Variants in CEP112 observed in about 807,000 individuals in gnomAD.
CEP112 encodes centrosomal protein of 112 kDa.
Under a neutral mutation model 153.0 loss-of-function variants are expected in CEP112, and 127 were observed. The observed-to-expected ratio is 0.83, with a 90% CI of 0.72 to 0.96. CEP112 has a LOEUF of 0.96. CEP112 is among the 40% of genes least tolerant of loss of function. The pLI is 0.00. For missense variants in CEP112, 1,089 were observed against 1,101.2 expected (o/e 0.99, Z 0.16); for synonymous variants, 358 against 374.4 (o/e 0.96, Z 0.51).
chr17:65,636,761 G>T (rs931662134), intron 26 of CEP112: 7 of 198,198 alleles, frequency 3.5e-5, no homozygotes, highest in Non-Finnish European at 5.1e-5. Flanking sequence ...ATAGGCGTGT[G>T]CCACCATACC....
intron 8 of CEP112, among the ~76,000 whole-genome samples, chr17:66,075,254 A>G (rs1358906081): frequency 6.6e-6 from 1 of 152,180 alleles, no homozygotes; most frequent in Non-Finnish European, 1.5e-5. Flanking sequence ...CAATAGCACA[A>G]GTGATTGTAG....
At position 66,097,003 on chromosome 17, in the gene CEP112, A is replaced by T. The variant is rs2068374229; in HGVS notation, c.643-371T>A. Among the ~76,000 whole-genome samples the T allele has an allele frequency of 2.6e-5, 4 of 151,990 alleles. No homozygotes were observed. The South Asian group carries it at 8.3e-4, about 32-fold the overall frequency. On this transcript the variant is annotated intron_variant, in intron 6 of 26. Transcript: ENST00000535342. ...TGAATTTCTCTGCCCAGCCCTCCAA[A>T]CCCTGTAAGCACACACCTATTTGTT...
At position 65,862,901 on chromosome 17, in the gene CEP112, CTT is replaced by C. The variant is rs35679223; in HGVS notation, c.2164-10869_2164-10868del. On this transcript the variant is annotated intron_variant, in intron 20 of 26. Coordinates refer to ENST00000535342, the MANE Select transcript of CEP112 (RefSeq NM_001199165.4). The stretch of plus-strand genomic sequence containing the variant: ...TTTTGTGAATATTTCATAGGAGACA[CTT>C]AATTCTAATTATGTTTTTGAATATT... 3.4e-3 allele frequency among the ~76,000 whole-genome samples: 524 copies of C among 152,146 alleles called. 1 individual carries two copies. Among genetic ancestry groups the C allele is most frequent in the Middle Eastern group, 6.8e-3 (2 of 294 alleles).
intron 17 of CEP112, among the ~76,000 whole-genome samples, chr17:65,971,319 T>A (rs534201093): frequency 6.6e-5 from 10 of 152,344 alleles, no homozygotes; most frequent in Non-Finnish European, 1.0e-4. Flanking sequence ...GTTTTACAAG[T>A]CTTAAAAATA....
chr17:65,894,537 T>A (rs1389472502), intron 20 of CEP112, among the ~76,000 whole-genome samples: 1 of 152,072 alleles, frequency 6.6e-6, no homozygotes, highest in Non-Finnish European at 1.5e-5. Flanking sequence ...CTCTGAGAGT[T>A]AAAATTTCAT....
At chr17:66,088,497 A>T (rs2068022560) in intron 8 of CEP112, among the ~76,000 whole-genome samples, 2 of 151,668 alleles carry the variant, frequency 1.3e-5, no homozygotes, top group Admixed American at 1.3e-4. Flanking sequence ...ATGTGAATAT[A>T]GGCTCCAGAC....
chr17:65,832,240 T>C (rs1416320187), intron 21 of CEP112, among the ~76,000 whole-genome samples: 1 of 151,546 alleles, frequency 6.6e-6, no homozygotes, highest in Non-Finnish European at 1.5e-5. Context: ...CATCAAAAAG[T>C]TGGAAAAATC....
intron 1 of CEP112, among the ~76,000 whole-genome samples, chr17:66,185,512 C>T (rs117330149): frequency 0.034 from 5,194 of 152,234 alleles, 132 homozygotes; most frequent in Middle Eastern, 0.061. Context: ...TGAGCCACTG[C>T]GCCCCGCCAA....
chr17:65,679,171 T>TTTTTTC (rs1567852451), intron 24 of CEP112, among the ~76,000 whole-genome samples: 1 of 105,268 alleles, frequency 9.5e-6, no homozygotes, highest in African/African-American at 4.1e-5. Flanking sequence ...TTTTTTTTTT[T>TTTTTTC]CAGAAAACAG....
chr17:65,858,052 C>A (rs995537122), intron 20 of CEP112, among the ~76,000 whole-genome samples: 2 of 152,158 alleles, frequency 1.3e-5, no homozygotes, highest in Non-Finnish European at 2.9e-5. Flanking sequence ...TATGTCCTTG[C>A]ATTCTCTACA....
intron 18 of CEP112, among the ~76,000 whole-genome samples, chr17:65,955,638 C>A (rs769544547): frequency 2.6e-5 from 4 of 152,002 alleles, no homozygotes; most frequent in Admixed American, 6.6e-5. Context: ...CATAAACTTA[C>A]AGTAAAGGGG....
At chr17:65,929,473 C>T (rs1213257786) in intron 18 of CEP112, among the ~76,000 whole-genome samples, 1 of 152,180 alleles carries the variant, frequency 6.6e-6, no homozygotes, top group African/African-American at 2.4e-5. Flanking sequence ...TTTAGCATCA[C>T]CTTTGTACTG....
intron 17 of CEP112, among the ~76,000 whole-genome samples, chr17:65,997,008 C>CG (rs2063816322): frequency 6.6e-6 from 1 of 152,014 alleles, no homozygotes; most frequent in African/African-American, 2.4e-5. Flanking sequence ...CAGGAGTTCA[C>CG]GACCAGTCTG....
chr17:66,168,435 A>ATATATGTGTGTG (rs2072081195), intron 4 of CEP112, among the ~76,000 whole-genome samples: 1 of 147,334 alleles, frequency 6.8e-6, no homozygotes, highest in Non-Finnish European at 1.5e-5. Flanking sequence ...ATATATATGT[A>ATATATGTGTGTG]TATATATGTG....
chr17:65,960,879 C>A (rs2062173562), intron 18 of CEP112, among the ~76,000 whole-genome samples: 1 of 152,082 alleles, frequency 6.6e-6, no homozygotes, highest in Non-Finnish European at 1.5e-5. Flanking sequence ...ACAAAGTAAA[C>A]TAAAACTTCA....
intron 17 of CEP112, among the ~76,000 whole-genome samples, chr17:65,986,897 G>A (rs1420578109): frequency 6.6e-6 from 1 of 152,064 alleles, no homozygotes; most frequent in Non-Finnish European, 1.5e-5. Flanking sequence ...ATACACAGTA[G>A]ACTAATATCA....
chr17:66,064,243 C>T (rs867036677), intron 10 of CEP112, among the ~76,000 whole-genome samples: 2 of 152,118 alleles, frequency 1.3e-5, no homozygotes, highest in Admixed American at 6.6e-5. Flanking sequence ...CTCAAAAAGA[C>T]GTGTACTGAA....
chr17:66,024,129 T>A (rs1046171646), intron 16 of CEP112, among the ~76,000 whole-genome samples: 1 of 152,040 alleles, frequency 6.6e-6, no homozygotes, highest in Admixed American at 6.6e-5. Flanking sequence ...ACCCTAATGA[T>A]AAAAACCTTC....
At chr17:65,848,631 T>C (rs2057811657) in intron 21 of CEP112, among the ~76,000 whole-genome samples, 1 of 152,086 alleles carries the variant, frequency 6.6e-6, no homozygotes, top group African/African-American at 2.4e-5. Context: ...TGTGGGTGAT[T>C]CCCACAGCTG....
Sources: gnomAD v4.1 joint callset for allele counts (sites outside exome capture counted in the v4.1 genomes callset) on GRCh38, gnomAD v4.1.1 for gene constraint, MANE v1.5 for transcripts, NCBI Gene and HGNC (gene_info 2026-07-23, HGNC 2026-07-21) for gene names.